KIF5A: variants seen among roughly 807,000 people sequenced by gnomAD.
KIF5A encodes kinesin family member 5A, also known as kinesin heavy chain isoform 5A.
KIF5A carries 35 observed loss-of-function variants against 141.3 expected under a neutral mutation model. The observed-to-expected ratio is 0.25, with a 90% CI of 0.19 to 0.33. KIF5A has a LOEUF of 0.33. Among genes scored for constraint, KIF5A ranks in the 10% least tolerant of loss-of-function variants. The pLI is 1.00. For synonymous variants in KIF5A, 448 were observed against 500.2 expected, an observed-to-expected ratio of 0.90 and a Z score of 1.39; for missense variants, 861 against 1,314.3, an observed-to-expected ratio of 0.66 and a Z score of 5.33.
intron 23 of KIF5A, among the ~76,000 whole-genome samples, chr12:57,578,874 A>G (rs925791513): frequency 2.0e-5 from 3 of 152,108 alleles, no homozygotes; most frequent in African/African-American, 7.2e-5. Context: ...GACCAGCCTA[A>G]GCAACATGGC....
At chr12:57,582,021 TG>T in intron 26 of KIF5A, 69 bp downstream of exon 26, 1 of 1,262,490 alleles carries the variant, frequency 7.9e-7, no homozygotes, top group Non-Finnish European at 1.2e-6. Context: ...TAAAAGTAAG[TG>T]ACCTTAGTGT....
rs774285025 is a variant in KIF5A, at chr12:57,572,284, T to C, written c.1569+17T>C. On this transcript the variant is annotated intron_variant, in intron 14 of 28. Transcript: ENST00000455537. The surrounding 1 kb of genome is among the most constrained non-coding windows in gnomAD (Gnocchi z 4.2). ...CAGAAGGTGGTAAGTGGTGTGCCAA[T>C]GGTCCAACAGCTCCCTGACCACAGA... is the stretch of plus-strand genomic sequence containing the variant. 1 of 1,568,396 alleles carries C rather than the reference T, an allele frequency of 6.4e-7. No homozygotes were observed. Among genetic ancestry groups the C allele is most frequent in the East Asian group, 2.4e-5 (1 of 42,078 alleles).
In KIF5A at chr12:57,572,602, C is replaced by G; in HGVS notation, c.1592C>G (p.Ser531Cys). The G allele has an allele frequency of 3.1e-6, 5 of 1,614,236 alleles. No homozygotes were observed. Among genetic ancestry groups the G allele is most frequent in the Non-Finnish European group, 4.2e-6 (5 of 1,180,042 alleles). ...QKVATMLSLESELQRLQEVSG... is the reference protein window; with the variant it reads ...QKVATMLSLECELQRLQEVSG... ...CAGGCCACCATGCTGTCCCTGGAGTCTGAGTTGCAGCGGCTACAGGAGGTC... is the reference window on the plus strand; with the variant it reads ...CAGGCCACCATGCTGTCCCTGGAGTGTGAGTTGCAGCGGCTACAGGAGGTC... Residue 531 changes from serine to cysteine, a missense_variant, in exon 15 of 29, where the codon TCT becomes TGT. Transcript: ENST00000455537. This position sits in a 1 kb window ranked among gnomAD's most constrained non-coding sequence, Gnocchi z 4.2.
intron 15 of KIF5A, 83 bp from the exon 16 acceptor site, chr12:57,575,001 G>T (rs1487731438): frequency 7.8e-7 from 1 of 1,276,260 alleles, no homozygotes; most frequent in Non-Finnish European, 1.1e-6. Flanking sequence ...ATGTGGGTGT[G>T]TATGGGTAGG....
At chr12:57,565,930 T>G (rs993872378) in intron 6 of KIF5A, among the ~76,000 whole-genome samples, 3 of 149,920 alleles carry the variant, frequency 2.0e-5, no homozygotes, top group African/African-American at 7.4e-5. Context: ...GAGTCTCTTG[T>G]TTAAAAAAAA....
intron 1 of KIF5A, among the ~76,000 whole-genome samples, chr12:57,553,897 G>A (rs1426903452): frequency 1.3e-5 from 2 of 152,076 alleles, no homozygotes; most frequent in African/African-American, 2.4e-5. Flanking sequence ...GGATTTCGGC[G>A]ACATTTCTAA....
chr12:57,551,471 A>G lies in KIF5A; in HGVS notation c.129+1071A>G, dbSNP rs115357409. 4.7e-3 allele frequency among the ~76,000 whole-genome samples: 708 copies of G among 152,190 alleles called. 5 individuals carry two copies. The highest frequency in any genetic ancestry group is 0.016 in the African/African-American group (670 of 41,502). The stretch of plus-strand genomic sequence containing the variant: ...CTGCACCTTTATCTGTAATGGCCCA[A>G]AGGGAAATTCTAGGCCTTGCCCACT... On this transcript the variant is annotated intron_variant, in intron 1 of 28. Coordinates refer to ENST00000455537, the MANE Select transcript of KIF5A (RefSeq NM_004984.4).
Position 57,576,041 on chromosome 12 carries a change from G to A in KIF5A, c.2024-46G>A, listed in dbSNP as rs185045755. ...CTGGTCACAACGTGAAGTTCTTTCC[G>A]AAAGAGGTAGGTTTGATGTCAGCTG... On this transcript the variant is annotated intron_variant, in intron 17 of 28. Transcript: ENST00000455537. The A allele has an allele frequency of 3.8e-5, 61 of 1,585,504 alleles. No homozygotes were observed. In the Middle Eastern group the frequency reaches 1.7e-3, roughly 43 times the overall value.
Position 57,567,567 on chromosome 12 carries a change from G to T in KIF5A, c.663G>T (p.Glu221Asp). The T allele has an allele frequency of 1.2e-6, 2 of 1,613,440 alleles. No homozygotes were observed. Among genetic ancestry groups the T allele is most frequent in the Non-Finnish European group, 1.7e-6 (2 of 1,179,776 alleles). ...TCAAGCAGGAGAACATGGAAACGGA[G>T]CAGAAGCTCAGTGGGAAGCTGTATC... is the stretch of plus-strand genomic sequence containing the variant. The part of the protein sequence containing the change: ...INIKQENMET[E>D]QKLSGKLYLV... Residue 221 changes from glutamate to aspartate, a missense_variant, in exon 8 of 29, where the codon GAG (glutamate) becomes GAT (aspartate). This residue lies in a region of KIF5A where 146 missense variants were observed against 353.4 expected (regional missense o/e 0.41). Transcript: ENST00000455537.
intron 8 of KIF5A, 89 bp from the exon 9 acceptor site, chr12:57,568,874 C>T (rs1882153545): frequency 2.4e-6 from 2 of 829,940 alleles, no homozygotes; most frequent in African/African-American, 3.3e-5. Flanking sequence ...TTCCTTCCTT[C>T]CTCCGTGGAC....
rs1243629914 is a variant in KIF5A, at chr12:57,586,160, G to A, written c.*1979G>A. On this transcript the variant is annotated 3_prime_UTR_variant, in exon 29 of 29. Coordinates refer to ENST00000455537, the MANE Select transcript of KIF5A (RefSeq NM_004984.4). ...CCATGCTGTCTCCAGACCCACTAGG[G>A]TGGAAGGAAGGTTCCTGTGGGCCTG... is the stretch of plus-strand genomic sequence containing the variant. 1 of 152,138 alleles carries A rather than the reference G, an allele frequency of 6.6e-6. No homozygotes were observed. The highest frequency in any genetic ancestry group is 1.5e-5 in the Non-Finnish European group (1 of 68,038). 9.4% of individuals were successfully genotyped at this position (152,138 alleles called of 1,614,324 possible).
intron 26 of KIF5A, 94 bp downstream of exon 26, chr12:57,582,046 A>T (rs1447354655): frequency 2.9e-6 from 3 of 1,017,618 alleles, no homozygotes; most frequent in African/African-American, 1.6e-5. Flanking sequence ...AAAAACACTG[A>T]CTGAACCTTT....
Position 57,563,708 on chromosome 12 carries a change from T to G in KIF5A, c.291+15T>G, listed in dbSNP as rs764730335. On this transcript the variant is annotated intron_variant, in intron 3 of 28. Transcript: ENST00000455537. ...ATACCATGGAGGTGAGGGTTCTGGC[T>G]TTGGTGGTTGAGGGGCTAGGAGTGT... 1.9e-6 allele frequency: 3 copies of G among 1,611,206 alleles called. No homozygotes were observed. The Admixed American group carries it at 5.0e-5, about 27-fold the overall frequency.
intron 15 of KIF5A, among the ~76,000 whole-genome samples, chr12:57,573,243 A>G (rs1565700849): frequency 6.6e-6 from 1 of 152,008 alleles, no homozygotes; most frequent in Non-Finnish European, 1.5e-5. Flanking sequence ...TAAAGAAGCA[A>G]TGGAGGCCAG....
At chr12:57,573,757 G>A (rs1434149054) in intron 15 of KIF5A, among the ~76,000 whole-genome samples, 1 of 151,194 alleles carries the variant, frequency 6.6e-6, no homozygotes, top group Non-Finnish European at 1.5e-5. Context: ...TGAACCTGGA[G>A]GCGGAGGTTG....
rs1882697162 is a variant in KIF5A, at chr12:57,584,413, C to T, written c.*232C>T. 1 of 152,654 alleles carries T rather than the reference C, an allele frequency of 6.6e-6. No homozygotes were observed. Among genetic ancestry groups the T allele is most frequent in the Non-Finnish European group, 1.5e-5 (1 of 68,052 alleles). The allele number at this position is 152,654 out of a possible 1,614,324, so 9.5% of individuals were successfully genotyped here. On this transcript the variant is annotated 3_prime_UTR_variant, in exon 29 of 29. Coordinates refer to ENST00000455537, the MANE Select transcript of KIF5A (RefSeq NM_004984.4). ...TCTCTTCTGTCTTATTCTCAAGTAT[C>T]TACTGATGTATTTAGCAATTTCAAA...
intron 4 of KIF5A, 55 bp downstream of exon 4, chr12:57,564,267 A>T: frequency 3.8e-6 from 5 of 1,309,618 alleles, no homozygotes; most frequent in Non-Finnish European, 5.5e-6. Flanking sequence ...GGGAAGATCT[A>T]AAATCTTCCC....
At chr12:57,577,921 A>T in intron 21 of KIF5A, 88 bp from the exon 22 acceptor site, 1 of 1,274,654 alleles carries the variant, frequency 7.8e-7, no homozygotes, top group South Asian at 1.2e-5. Context: ...GACTCACTTG[A>T]TTATAGAGAC....
chr12:57,570,461 C>T (rs1360484780), intron 12 of KIF5A, among the ~76,000 whole-genome samples: 2 of 152,106 alleles, frequency 1.3e-5, no homozygotes. Flanking sequence ...TGCAGAGGCA[C>T]GATTGTGGTT....
Sources: gnomAD v4.1 joint callset for allele counts (sites outside exome capture counted in the v4.1 genomes callset) on GRCh38, gnomAD v4.1.1 for gene constraint, gnomAD v4.1.1 regional missense constraint, Gnocchi (gnomAD v3.1) non-coding constraint, MANE v1.5 for transcripts, NCBI Gene and HGNC (gene_info 2026-07-23, HGNC 2026-07-21) for gene names.